Variants in KMT2C observed in about 807,000 individuals in gnomAD.
KMT2C encodes the protein lysine methyltransferase 2C.
A neutral mutation model predicts 507.9 loss-of-function variants in KMT2C; 88 were observed. The observed-to-expected ratio is 0.17, with a 90% CI of 0.15 to 0.21. The LOEUF is 0.21. Ranked by LOEUF, KMT2C falls within the 10% of genes least tolerant of loss-of-function variation. The pLI is 1.00. For synonymous variants in KMT2C, 2,049 were observed against 2,080.8 expected (o/e 0.98, Z 0.42); for missense variants, 4,954 against 5,957.8 (o/e 0.83, Z 5.55).
In KMT2C at chr7:152,158,855, A is replaced by G. The variant is rs1444239866; in HGVS notation, c.11670+8T>C. ...TAAAAGAGGCTGCTCTAAATGACTC[A>G]CCCTCACCTGTTTCAAGTGGGTAAA... On this transcript the variant is annotated splice_region_variant and intron_variant, in intron 44 of 58. Coordinates refer to ENST00000262189, the MANE Select transcript of KMT2C (RefSeq NM_170606.3). 2.5e-6 allele frequency: 4 copies of G among 1,613,256 alleles called. No individual in the cohort carries two copies. Among genetic ancestry groups the G allele is most frequent in the African/African-American group, 2.7e-5 (2 of 74,896 alleles).
At chr7:152,216,685 G>C (rs1256239971) in intron 23 of KMT2C, among the ~76,000 whole-genome samples, 3 of 152,102 alleles carry the variant, frequency 2.0e-5, no homozygotes, top group African/African-American at 7.2e-5. Flanking sequence ...AAAAGACATG[G>C]AAACATTAAG....
chr7:152,274,427 G>C (rs1411570076), intron 6 of KMT2C, among the ~76,000 whole-genome samples: 3 of 152,058 alleles, frequency 2.0e-5, no homozygotes, highest in Non-Finnish European at 2.9e-5. Flanking sequence ...ACAAAAGATG[G>C]AAATGTGGGC....
intron 23 of KMT2C, among the ~76,000 whole-genome samples, chr7:152,211,989 A>G (rs2094465257): frequency 1.3e-5 from 2 of 152,196 alleles, no homozygotes. Context: ...CAGAGCTTGC[A>G]GTGAGCCGAG....
chr7:152,322,569 T>C (rs1009354384), intron 3 of KMT2C, among the ~76,000 whole-genome samples: 4 of 152,062 alleles, frequency 2.6e-5, no homozygotes, highest in South Asian at 4.1e-4. Flanking sequence ...TCAAAATAGA[T>C]GAAAGTCTTA....
chr7:152,228,995 A>G (rs1469882690), intron 18 of KMT2C, among the ~76,000 whole-genome samples: 1 of 152,196 alleles, frequency 6.6e-6, no homozygotes, highest in Non-Finnish European at 1.5e-5. Flanking sequence ...AATAAATACT[A>G]GTGTAGTTAT....
intron 6 of KMT2C, among the ~76,000 whole-genome samples, chr7:152,306,182 C>A (rs2096614502): frequency 6.6e-6 from 1 of 152,010 alleles, no homozygotes; most frequent in African/African-American, 2.4e-5. Flanking sequence ...GAGTTCTTTC[C>A]CTCCCTATCC....
intron 2 of KMT2C, among the ~76,000 whole-genome samples, chr7:152,336,529 C>G (rs533447372): frequency 1.3e-5 from 2 of 152,232 alleles, no homozygotes; most frequent in East Asian, 3.9e-4. Flanking sequence ...ATGCCTGATG[C>G]CAGTACTTAA....
At chr7:152,295,492 A>T (rs551774764) in intron 6 of KMT2C, among the ~76,000 whole-genome samples, 1 of 152,310 alleles carries the variant, frequency 6.6e-6, no homozygotes, top group Admixed American at 6.5e-5. Context: ...TCCCTATGTT[A>T]ATCTACTGAA....
intron 16 of KMT2C, among the ~76,000 whole-genome samples, chr7:152,231,281 C>A (rs1349364869): frequency 6.6e-6 from 1 of 152,148 alleles, no homozygotes; most frequent in Non-Finnish European, 1.5e-5. Context: ...TTAATAATTT[C>A]TAGAGTGATT....
intron 8 of KMT2C, among the ~76,000 whole-genome samples, chr7:152,263,424 A>G (rs867740310): frequency 5.3e-5 from 8 of 152,300 alleles, no homozygotes; most frequent in Middle Eastern, 3.4e-3. Flanking sequence ...TTAAAATAGA[A>G]TTTTTGAGAG....
intron 3 of KMT2C, among the ~76,000 whole-genome samples, chr7:152,319,418 G>A (rs113287922): frequency 0.052 from 7,846 of 152,192 alleles, 538 homozygotes; most frequent in African/African-American, 0.13. Flanking sequence ...ACAAGAGTGC[G>A]AGCCTTCTGT....
chr7:152,391,543 C>CT (rs71198782), intron 1 of KMT2C, among the ~76,000 whole-genome samples: 5,855 of 96,988 alleles, frequency 0.06, 69 homozygotes, highest in South Asian at 0.098. Flanking sequence ...CATGCCCGGC[C>CT]TTTTTTTTTT....
At chr7:152,309,507 CTTTTTTTTTTTTTT>C (rs60166582) in intron 6 of KMT2C, among the ~76,000 whole-genome samples, 14 of 87,970 alleles carry the variant, frequency 1.6e-4, no homozygotes, top group African/African-American at 4.3e-4. Context: ...CATAAAATAA[CTTTTTTTTTTTTTT>C]TTTTTTTTTT....
At chr7:152,371,543 T>C (rs1419394894) in intron 1 of KMT2C, among the ~76,000 whole-genome samples, 9 of 152,136 alleles carry the variant, frequency 5.9e-5, no homozygotes. Context: ...CAATAATTAT[T>C]TTAAATGGAA....
intron 2 of KMT2C, among the ~76,000 whole-genome samples, chr7:152,358,111 A>G (rs1051357463): frequency 6.6e-5 from 10 of 152,226 alleles, no homozygotes; most frequent in Admixed American, 5.2e-4. Context: ...TGCACAACAT[A>G]CAGCAGCTTA....
rs912669251 is a variant in KMT2C at position 152,154,123 on chromosome 7, T to A, written c.12163A>T (p.Ile4055Phe). ...TATAAAGTGCCTGGCTCAGTTTTGA[T>A]GTCATTCCTTCTTGATTCTGAACCT... The part of the protein sequence containing the change: ...GKSSESRRND[I>F]KTEPGTLYFA... Residue 4055 changes from isoleucine (I) to phenylalanine (F), a missense_variant, in exon 48 of 59, where the codon ATC becomes TTC. Physicochemically the swap from Ile to Phe is conservative, Grantham distance 21. Coordinates refer to ENST00000262189, the MANE Select transcript of KMT2C (RefSeq NM_170606.3). 1.2e-6 allele frequency: 2 copies of A among 1,614,030 alleles called. No homozygotes were observed. Among genetic ancestry groups the A allele is most frequent in the Admixed American group, 1.7e-5 (1 of 60,000 alleles).
chr7:152,333,931 A>C (rs925959956), intron 2 of KMT2C, among the ~76,000 whole-genome samples: 2 of 152,186 alleles, frequency 1.3e-5, no homozygotes, highest in African/African-American at 4.8e-5. Flanking sequence ...CCCGAGACAA[A>C]ATTGATAAAG....
At chr7:152,271,922 T>C (rs1218005894) in intron 7 of KMT2C, among the ~76,000 whole-genome samples, 1 of 152,122 alleles carries the variant, frequency 6.6e-6, no homozygotes, top group Non-Finnish European at 1.5e-5. Flanking sequence ...TAAGGGCTCA[T>C]ATTTCCTTCT....
At chr7:152,289,890 T>C (rs993853337) in intron 6 of KMT2C, among the ~76,000 whole-genome samples, 37 of 152,014 alleles carry the variant, frequency 2.4e-4, no homozygotes, top group African/African-American at 8.4e-4. Flanking sequence ...CTACTAAAAA[T>C]ATGAAAATTA....
Sources: gnomAD v4.1 joint callset for allele counts (sites outside exome capture counted in the v4.1 genomes callset) on GRCh38, gnomAD v4.1.1 for gene constraint, MANE v1.5 for transcripts, NCBI Gene and HGNC (gene_info 2026-07-23, HGNC 2026-07-21) for gene names.